The following MECOM variants were observed in gnomAD, a reference collection of about 807,000 sequenced individuals.
MECOM encodes MDS1 and EVI1 complex locus, also known as histone-lysine N-methyltransferase MECOM.
A neutral mutation model predicts 116.3 loss-of-function variants in MECOM; 13 were observed. That is an observed-to-expected ratio of 0.11 (90% confidence interval 0.07 to 0.18). MECOM has a LOEUF of 0.18. Ranked by LOEUF, MECOM falls within the 10% of genes least tolerant of loss-of-function variation. The pLI, the probability that MECOM is intolerant of heterozygous loss-of-function variation, is 1.00. For missense variants in MECOM, 1,299 were observed against 1,509.0 expected (o/e 0.86, Z 2.31); for synonymous variants, 528 against 535.2 (o/e 0.99, Z 0.19).
rs116646437 is a variant in MECOM at position 169,174,403 on chromosome 3, A to G, written c.376-30571T>C. On this transcript the variant is annotated intron_variant, in intron 2 of 16. Transcript: ENST00000651503. Reference sequence around the variant, plus strand: ...GGACAAGAATGAATGCATGACATCAAAACTACAGAGGTTTCCTTTCTAATT... The same window carrying G: ...GGACAAGAATGAATGCATGACATCAGAACTACAGAGGTTTCCTTTCTAATT... Among the ~76,000 whole-genome samples, 1,219 of 152,312 alleles carry G rather than the reference A, an allele frequency of 8.0e-3. 8 individuals carry two copies. Among genetic ancestry groups the G allele is most frequent in the South Asian group, 0.021 (101 of 4,824 alleles).
At chr3:169,358,308 T>C (rs1727616630) in intron 2 of MECOM, among the ~76,000 whole-genome samples, 1 of 151,820 alleles carries the variant, frequency 6.6e-6, no homozygotes, top group Non-Finnish European at 1.5e-5. Flanking sequence ...GGCAGGGTTC[T>C]GACACATCTC....
intron 1 of MECOM, among the ~76,000 whole-genome samples, chr3:169,477,760 T>C (rs1258635146): frequency 6.6e-6 from 1 of 152,204 alleles, no homozygotes; most frequent in Non-Finnish European, 1.5e-5. Flanking sequence ...TCTGTACTGT[T>C]TCCACCAAAT....
At chr3:169,288,492 A>G (rs923656992) in intron 2 of MECOM, among the ~76,000 whole-genome samples, 1 of 152,204 alleles carries the variant, frequency 6.6e-6, no homozygotes, top group Non-Finnish European at 1.5e-5. Flanking sequence ...GTTCTATCAG[A>G]ATGAAATTAG....
intron 1 of MECOM, among the ~76,000 whole-genome samples, chr3:169,638,665 A>T (rs1039511595): frequency 6.6e-6 from 1 of 152,210 alleles, no homozygotes; most frequent in Non-Finnish European, 1.5e-5. Flanking sequence ...CCTGCCTGAC[A>T]TTAAGACCTG....
At chr3:169,593,081 G>A (rs1241967173) in intron 1 of MECOM, among the ~76,000 whole-genome samples, 1 of 152,104 alleles carries the variant, frequency 6.6e-6, no homozygotes, top group Non-Finnish European at 1.5e-5. Flanking sequence ...TATTGAGAAG[G>A]GGTCTCGCTA....
In MECOM at chr3:169,133,110, T is replaced by TACAC. The variant is rs112130257; in HGVS notation, c.511-1583_511-1580dup. On this transcript the variant is annotated intron_variant, in intron 3 of 16. Transcript: ENST00000651503. ...ATTCTAAATATCTGAGCAAAACACA[T>TACAC]ACACACACACACACACACACACATA... Among the ~76,000 whole-genome samples, 684 of 147,372 alleles carry TACAC rather than the reference T, an allele frequency of 4.6e-3. 5 individuals carry two copies. The highest frequency in any genetic ancestry group is 0.014 in the African/African-American group (575 of 40,410).
At chr3:169,413,729 T>C (rs981832345) in intron 1 of MECOM, among the ~76,000 whole-genome samples, 2 of 152,146 alleles carry the variant, frequency 1.3e-5, no homozygotes, top group Non-Finnish European at 2.9e-5. Flanking sequence ...TACTGAGGCT[T>C]GAGTAGGTGG....
At chr3:169,256,323 A>G (rs1553781454) in intron 2 of MECOM, among the ~76,000 whole-genome samples, 1 of 150,736 alleles carries the variant, frequency 6.6e-6, no homozygotes, top group Non-Finnish European at 1.5e-5. Flanking sequence ...ATATATTACC[A>G]TTTTTTCCAA....
intron 2 of MECOM, among the ~76,000 whole-genome samples, chr3:169,286,743 C>G (rs1368819279): frequency 1.3e-5 from 2 of 152,064 alleles, no homozygotes; most frequent in Non-Finnish European, 2.9e-5. Context: ...AACAAACAAG[C>G]AAACAGCAAC....
At chr3:169,135,013 T>C (rs1413283486) in intron 3 of MECOM, among the ~76,000 whole-genome samples, 1 of 152,070 alleles carries the variant, frequency 6.6e-6, no homozygotes, top group African/African-American at 2.4e-5. Context: ...TCTCACATAT[T>C]TGTATATAAT....
intron 1 of MECOM, among the ~76,000 whole-genome samples, chr3:169,408,245 C>A (rs1164459420): frequency 6.6e-6 from 1 of 152,168 alleles, no homozygotes; most frequent in Non-Finnish European, 1.5e-5. Context: ...AAATGAGACA[C>A]TTTTTGCTGA....
intron 1 of MECOM, among the ~76,000 whole-genome samples, chr3:169,408,554 A>G (rs1252577415): frequency 6.6e-6 from 1 of 152,228 alleles, no homozygotes; most frequent in Non-Finnish European, 1.5e-5. Flanking sequence ...AGGATTCCCA[A>G]AACACGGTCT....
intron 2 of MECOM, among the ~76,000 whole-genome samples, chr3:169,225,132 T>C (rs543684328): frequency 2.0e-5 from 3 of 152,304 alleles, no homozygotes; most frequent in South Asian, 2.1e-4. Context: ...ATGAGTTTTA[T>C]AGAGAATATA....
chr3:169,378,675 A>AT (rs376622597), intron 2 of MECOM, among the ~76,000 whole-genome samples: 2 of 151,880 alleles, frequency 1.3e-5, no homozygotes, highest in African/African-American at 4.8e-5. Context: ...AAAATGACAC[A>AT]TTTTTTTGGA....
chr3:169,481,227 T>C lies in MECOM; in HGVS notation c.38-99703A>G, dbSNP rs142622388. Reference sequence around the variant, plus strand: ...AATTCATGACTTTTAGCTGTATATCTTGGCATGTTAGGTTATGCTGGGTAT... The same window carrying C: ...AATTCATGACTTTTAGCTGTATATCCTGGCATGTTAGGTTATGCTGGGTAT... On this transcript the variant is annotated intron_variant, in intron 1 of 16. Transcript: ENST00000651503. 8.8e-3 allele frequency among the ~76,000 whole-genome samples: 1,347 copies of C among 152,254 alleles called. 8 individuals carry two copies. Among genetic ancestry groups the C allele is most frequent in the Non-Finnish European group, 0.013 (905 of 68,020 alleles).
At chr3:169,371,453 TTAATAA>T (rs529608485) in intron 2 of MECOM, among the ~76,000 whole-genome samples, 125 of 151,840 alleles carry the variant, frequency 8.2e-4, no homozygotes, top group Admixed American at 1.5e-3. Context: ...GTGTCTATAG[TTAATAA>T]TAATGTATTG....
intron 2 of MECOM, among the ~76,000 whole-genome samples, chr3:169,354,562 T>C (rs1311492392): frequency 1.3e-5 from 2 of 151,980 alleles, no homozygotes; most frequent in East Asian, 3.9e-4. Flanking sequence ...GGTTAAATCC[T>C]AGCCTAACCT....
At chr3:169,367,451 A>T (rs1370957396) in intron 2 of MECOM, among the ~76,000 whole-genome samples, 2 of 151,804 alleles carry the variant, frequency 1.3e-5, no homozygotes, top group African/African-American at 4.8e-5. Context: ...TTATATGCTT[A>T]CCTAAAGAAA....
chr3:169,418,646 C>G (rs554417047), intron 1 of MECOM, among the ~76,000 whole-genome samples: 3 of 152,028 alleles, frequency 2.0e-5, no homozygotes, highest in African/African-American at 7.2e-5. Flanking sequence ...TGACAAAAAC[C>G]ACATGATTAT....
Sources: gnomAD v4.1 joint callset for allele counts (sites outside exome capture counted in the v4.1 genomes callset) on GRCh38, gnomAD v4.1.1 for gene constraint, MANE v1.5 for transcripts, NCBI Gene and HGNC (gene_info 2026-07-23, HGNC 2026-07-21) for gene names.